The following MAGI2 variants were observed in gnomAD, a reference collection of about 807,000 sequenced individuals.
MAGI2 encodes membrane-associated guanylate kinase, WW and PDZ domain-containing protein 2.
Under a neutral mutation model 133.3 loss-of-function variants are expected in MAGI2, and 35 were observed. That is an observed-to-expected ratio of 0.26 (90% CI 0.20 to 0.35). The LOEUF (loss-of-function observed/expected upper bound fraction) is 0.35. Among genes scored for constraint, MAGI2 ranks in the 10% least tolerant of loss-of-function variants. MAGI2 has a pLI of 1.00. For missense variants in MAGI2, 1,636 were observed against 1,863.4 expected, an observed-to-expected ratio of 0.88 and a Z score of 2.25; for synonymous variants, 729 against 710.6, an observed-to-expected ratio of 1.03 and a Z score of -0.41.
chr7:78,958,983 C>T (rs553764015), intron 2 of MAGI2, among the ~76,000 whole-genome samples: 280 of 152,242 alleles, frequency 1.8e-3, no homozygotes, highest in African/African-American at 6.3e-3. Flanking sequence ...CTCTCATACA[C>T]GGTGGGGTGC....
Position 78,983,348 on chromosome 7 carries a change from CT to C in MAGI2, c.418+23741del, listed in dbSNP as rs1804950902. 5.3e-5 allele frequency among the ~76,000 whole-genome samples: 8 copies of C among 151,934 alleles called. No homozygotes were observed. The South Asian group carries it at 1.7e-3, about 31-fold the overall frequency. On this transcript the variant is annotated intron_variant, in intron 2 of 21. Transcript: ENST00000354212. ...TAATTTTCTAAGTATTATAAAACTA[CT>C]GTTCTAAATAAGACTCATGTCATAT...
At chr7:78,903,920 T>G (rs1298906483) in intron 2 of MAGI2, 2 of 152,254 alleles carry the variant, frequency 1.3e-5, no homozygotes, top group African/African-American at 4.8e-5. Context: ...GTCTATATGT[T>G]TTTTAAATTT....
At chr7:78,091,597 C>G (rs138141682) in intron 20 of MAGI2, among the ~76,000 whole-genome samples, 2 of 152,298 alleles carry the variant, frequency 1.3e-5, no homozygotes, top group East Asian at 3.9e-4. Flanking sequence ...GGTGATGACA[C>G]TGACCTTTGG....
At chr7:78,690,966 A>G (rs1312930952) in intron 2 of MAGI2, among the ~76,000 whole-genome samples, 1 of 152,046 alleles carries the variant, frequency 6.6e-6, no homozygotes, top group Non-Finnish European at 1.5e-5. Context: ...AGAGCACAAC[A>G]TTTTCACATG....
At chr7:79,235,605 G>C (rs34263368) in intron 1 of MAGI2, among the ~76,000 whole-genome samples, 86,829 of 152,056 alleles carry the variant, frequency 0.57, 26,563 homozygotes, top group Non-Finnish European at 0.68. Flanking sequence ...GGAACTCCCC[G>C]ACCCCTTGCG....
chr7:79,002,392 C>A (rs80183442), intron 2 of MAGI2, among the ~76,000 whole-genome samples: 3 of 151,830 alleles, frequency 2.0e-5, no homozygotes, highest in East Asian at 1.9e-4. Context: ...TCCTAAGGAT[C>A]TTTTCCTTAG....
chr7:78,811,511 G>T (rs1302830628), intron 2 of MAGI2, among the ~76,000 whole-genome samples: 1 of 151,330 alleles, frequency 6.6e-6, no homozygotes, highest in Non-Finnish European at 1.5e-5. Context: ...CTTAGAATTT[G>T]GGAAAAAATC....
intron 20 of MAGI2, among the ~76,000 whole-genome samples, chr7:78,108,726 G>A (rs202050551): frequency 7.0e-6 from 1 of 143,786 alleles, no homozygotes; most frequent in Non-Finnish European, 1.6e-5. Context: ...ATATGTGTGT[G>A]TATACACACA....
At chr7:78,171,156 A>C (rs994185144) in intron 14 of MAGI2, among the ~76,000 whole-genome samples, 1 of 152,234 alleles carries the variant, frequency 6.6e-6, no homozygotes, top group African/African-American at 2.4e-5. Flanking sequence ...TGAGAAAAAA[A>C]CAACTTTTTT....
At chr7:78,556,337 C>T (rs1242174520) in intron 3 of MAGI2, among the ~76,000 whole-genome samples, 1 of 152,134 alleles carries the variant, frequency 6.6e-6, no homozygotes, top group African/African-American at 2.4e-5. Context: ...AAACTTGTCC[C>T]AATAGTCACC....
At chr7:78,626,267 T>C (rs1808331221) in intron 3 of MAGI2, among the ~76,000 whole-genome samples, 2 of 152,146 alleles carry the variant, frequency 1.3e-5, no homozygotes, top group Admixed American at 6.6e-5. Flanking sequence ...TATAATTTCA[T>C]TATATATATA....
chr7:78,074,531 G>A (rs1323707904), intron 21 of MAGI2, among the ~76,000 whole-genome samples: 2 of 152,118 alleles, frequency 1.3e-5, no homozygotes, highest in Non-Finnish European at 2.9e-5. Context: ...TGATTAGGGT[G>A]CATTAGGAAA....
chr7:78,486,280 T>C (rs1792995026), intron 6 of MAGI2: 1 of 151,916 alleles, frequency 6.6e-6, no homozygotes, highest in South Asian at 2.1e-4. Context: ...CCACCTCCGA[T>C]TTTTGGGAGT....
chr7:78,749,604 G>A (rs545311499), intron 2 of MAGI2, among the ~76,000 whole-genome samples: 17 of 152,288 alleles, frequency 1.1e-4, no homozygotes, highest in African/African-American at 2.4e-4. Context: ...TAAGGGGAGC[G>A]TTGGTTGATG....
At chr7:78,221,021 C>T (rs1274620773) in intron 10 of MAGI2, among the ~76,000 whole-genome samples, 2 of 152,206 alleles carry the variant, frequency 1.3e-5, no homozygotes, top group Non-Finnish European at 2.9e-5. Flanking sequence ...ACTGAGCACA[C>T]ACGTTTCTTC....
In MAGI2 at chr7:78,046,711, G is replaced by A. The variant is rs144760364; in HGVS notation, c.3707-26735C>T. On this transcript the variant is annotated intron_variant, in intron 21 of 21. Coordinates refer to ENST00000354212, the MANE Select transcript of MAGI2 (RefSeq NM_012301.4). ...TGATAGCTCTAAAAAAAAACCCAGCGTTAGTTATGGACCAATTGAATGATG... is the reference window on the plus strand; with the variant it reads ...TGATAGCTCTAAAAAAAAACCCAGCATTAGTTATGGACCAATTGAATGATG... 6.4e-4 allele frequency among the ~76,000 whole-genome samples: 98 copies of A among 152,170 alleles called. 1 individual carries two copies. Among genetic ancestry groups the A allele is most frequent in the African/African-American group, 1.8e-3 (76 of 41,508 alleles).
chr7:79,355,251 T>C (rs73704184), intron 1 of MAGI2, among the ~76,000 whole-genome samples: 22,907 of 152,048 alleles, frequency 0.15, 1,885 homozygotes, highest in East Asian at 0.29. Flanking sequence ...ATTCTTCCCC[T>C]GGGGAGCAAG....
At chr7:78,881,241 C>T (rs527825702) in intron 2 of MAGI2, among the ~76,000 whole-genome samples, 32 of 152,044 alleles carry the variant, frequency 2.1e-4, no homozygotes, top group Admixed American at 6.6e-4. Flanking sequence ...ATCTATAGAC[C>T]GCACCACCAA....
At chr7:79,053,429 A>T (rs1232707561) in intron 1 of MAGI2, among the ~76,000 whole-genome samples, 1 of 152,180 alleles carries the variant, frequency 6.6e-6, no homozygotes, top group Non-Finnish European at 1.5e-5. Context: ...ACTCAACCAA[A>T]TTCTTCATCT....
Sources: allele counts gnomAD v4.1 joint callset (sites outside exome capture counted in the v4.1 genomes callset), GRCh38; gene constraint gnomAD v4.1.1; transcripts MANE v1.5; gene names NCBI Gene and HGNC (gene_info 2026-07-23, HGNC 2026-07-21).